SGCG: variants seen among roughly 807,000 people sequenced by gnomAD.
SGCG encodes gamma-sarcoglycan.
Under a neutral mutation model 29.3 loss-of-function variants are expected in SGCG, and 26 were observed. The observed-to-expected ratio is 0.89, with a 90% CI of 0.65 to 1.23. SGCG has a LOEUF of 1.23. Ranked by LOEUF, SGCG falls within the 50% of genes most tolerant of loss-of-function variation. The pLI, the probability that SGCG is intolerant of heterozygous loss-of-function variation, is 0.00. For missense variants in SGCG, 353 were observed against 356.0 expected (o/e 0.99, Z 0.07); for synonymous variants, 145 against 129.7 (o/e 1.12, Z -0.80).
intron 3 of SGCG, 79 bp downstream of exon 3, chr13:23,234,791 A>C: frequency 1.0e-6 from 1 of 1,002,670 alleles, no homozygotes; most frequent in South Asian, 1.3e-5. Flanking sequence ...AGTACAGTTT[A>C]GAGAAGATTT....
chr13:23,278,935 C>G (rs1227636935), intron 4 of SGCG, among the ~76,000 whole-genome samples: 2 of 152,138 alleles, frequency 1.3e-5, no homozygotes, highest in Admixed American at 6.5e-5. Flanking sequence ...GATTTATCTT[C>G]TAGGTTAACT....
chr13:23,207,253 C>A (rs1878017021), intron 2 of SGCG, among the ~76,000 whole-genome samples: 1 of 152,122 alleles, frequency 6.6e-6, no homozygotes, highest in African/African-American at 2.4e-5. Context: ...GCTGGGAAAA[C>A]TGGATTTTCA....
At chr13:23,295,079 T>G (rs566505622) in intron 5 of SGCG, among the ~76,000 whole-genome samples, 1 of 152,354 alleles carries the variant, frequency 6.6e-6, no homozygotes, top group Non-Finnish European at 1.5e-5. Flanking sequence ...AAATTACTAT[T>G]ACTTAAAATA....
At chr13:23,167,546 C>T in the SGCG span, among the ~76,000 whole-genome samples, 4 of 152,188 alleles carry the variant, frequency 2.6e-5, no homozygotes, top group South Asian at 2.1e-4. Context: ...TTTTTCTCCA[C>T]GTCCTCGCCA....
intron 2 of SGCG, among the ~76,000 whole-genome samples, chr13:23,227,357 C>A (rs1317503153): frequency 6.7e-6 from 1 of 149,212 alleles, no homozygotes; most frequent in African/African-American, 2.5e-5. Context: ...CAAGTGCTGA[C>A]AAGAATGCGG....
intron 2 of SGCG, among the ~76,000 whole-genome samples, chr13:23,233,698 C>T (rs147201404): frequency 2.0e-5 from 3 of 152,084 alleles, no homozygotes; most frequent in African/African-American, 7.2e-5. Context: ...CATATTTTAC[C>T]ATGATTTTTA....
At chr13:23,242,221 T>C (rs1879540097) in intron 3 of SGCG, among the ~76,000 whole-genome samples, 2 of 152,160 alleles carry the variant, frequency 1.3e-5, no homozygotes, top group East Asian at 3.8e-4. Context: ...GCTTCAATGA[T>C]TAAATTAGTT....
intron 6 of SGCG, among the ~76,000 whole-genome samples, chr13:23,302,123 T>C (rs559527516): frequency 5.3e-5 from 8 of 152,078 alleles, no homozygotes; most frequent in Non-Finnish European, 8.8e-5. Flanking sequence ...GCTCTTCTTA[T>C]GGAGTCAGAA....
chr13:23,234,565 G>A, intron 2 of SGCG, 46 bp from the exon 3 acceptor site: 1 of 1,292,484 alleles, frequency 7.7e-7, no homozygotes, highest in Non-Finnish European at 1.1e-6. Flanking sequence ...GAATGAAAAA[G>A]CAAGCAATAA....
At chr13:23,251,340 C>A (rs1405462596) in intron 4 of SGCG, among the ~76,000 whole-genome samples, 1 of 152,198 alleles carries the variant, frequency 6.6e-6, no homozygotes, top group Non-Finnish European at 1.5e-5. Flanking sequence ...TCCTTTGGGT[C>A]AGTCAGCTAT....
chr13:23,295,529 A>G, intron 6 of SGCG, 42 bp downstream of exon 6: 2 of 1,307,808 alleles, frequency 1.5e-6, no homozygotes, highest in Non-Finnish European at 2.2e-6. Context: ...CTCCTGTAGA[A>G]GACAAGAGGG....
chr13:23,229,019 G>A (rs1593185238), intron 2 of SGCG, among the ~76,000 whole-genome samples: 7 of 152,200 alleles, frequency 4.6e-5, no homozygotes, highest in Admixed American at 2.0e-4. Flanking sequence ...ACAGGCATGC[G>A]CCACCACACC....
At chr13:23,308,353 T>G (rs1423568742) in intron 6 of SGCG, among the ~76,000 whole-genome samples, 1 of 152,212 alleles carries the variant, frequency 6.6e-6, no homozygotes, top group Admixed American at 6.5e-5. Context: ...GTCTCAAAAG[T>G]CAGTCCATTC....
intron 2 of SGCG, among the ~76,000 whole-genome samples, chr13:23,210,419 C>T (rs747792233): frequency 2.0e-5 from 3 of 152,002 alleles, no homozygotes; most frequent in Non-Finnish European, 2.9e-5. Context: ...CGGCTGGGCG[C>T]GGTGGCTCAT....
intron 3 of SGCG, among the ~76,000 whole-genome samples, chr13:23,237,633 T>C (rs2137548962): frequency 6.6e-6 from 1 of 152,322 alleles, no homozygotes; most frequent in Admixed American, 6.5e-5. Flanking sequence ...AGAACCTGAA[T>C]GTCATGAGGA....
At chr13:23,285,792 C>T (rs4770427) in intron 5 of SGCG, among the ~76,000 whole-genome samples, 17,026 of 152,144 alleles carry the variant, frequency 0.11, 1,076 homozygotes, top group Non-Finnish European at 0.12. Context: ...ATGGGAAAAG[C>T]ATAGTGTCTG....
intron 2 of SGCG, chr13:23,217,359 C>CAT (rs1432259814): frequency 1.3e-5 from 2 of 152,056 alleles, no homozygotes; most frequent in South Asian, 4.1e-4. Flanking sequence ...TCATTGTTTT[C>CAT]ATATATATAT....
intron 5 of SGCG, among the ~76,000 whole-genome samples, chr13:23,286,893 T>G (rs1383973070): frequency 6.6e-6 from 1 of 152,206 alleles, no homozygotes; most frequent in East Asian, 1.9e-4. Context: ...TTTCTGGAAT[T>G]TTCCATTTAA....
At chr13:23,296,957 A>ATCACATT (rs1881931208) in intron 6 of SGCG, among the ~76,000 whole-genome samples, 1 of 152,176 alleles carries the variant, frequency 6.6e-6, no homozygotes. Context: ...ATCACTTAAA[A>ATCACATT]TCACATTTAG....
Sources: allele counts gnomAD v4.1 joint callset (sites outside exome capture counted in the v4.1 genomes callset), GRCh38; gene constraint gnomAD v4.1.1; transcripts MANE v1.5; gene names NCBI Gene and HGNC (gene_info 2026-07-23, HGNC 2026-07-21).